PLD5: variants seen among roughly 807,000 people sequenced by gnomAD.
PLD5 encodes the protein inactive phospholipase D5.
In PLD5, 36 loss-of-function variants were observed where a neutral mutation model predicts 61.1. The observed-to-expected ratio is 0.59, with a 90% CI of 0.45 to 0.78. PLD5 has a LOEUF of 0.78. Ranked by LOEUF, PLD5 falls within the 30% of genes least tolerant of loss-of-function variation. The pLI, the probability that PLD5 is intolerant of heterozygous loss-of-function variation, is 0.00. For synonymous variants in PLD5, 243 were observed against 242.8 expected, an observed-to-expected ratio of 1.00 and a Z score of -0.01; for missense variants, 515 against 644.4, an observed-to-expected ratio of 0.80 and a Z score of 2.17.
At position 242,220,110 on chromosome 1, in the gene PLD5, C is replaced by G; in HGVS notation, c.613G>C (p.Glu205Gln). 1 of 1,614,086 alleles carries G rather than the reference C, an allele frequency of 6.2e-7. No homozygotes were observed. The highest frequency in any genetic ancestry group is 8.5e-7 in the Non-Finnish European group (1 of 1,180,002). ...VLEALKLKGA[E>Q]VTYMNMTAYN... ...GCGGTCATGTTCATGTACGTCACCT[C>G]GGCTCCTAGGAGTTCAAGGACAGTC... The change falls in exon 5 of 10, where the codon GAG becomes CAG. Residue 205 changes from glutamate (E) to glutamine (Q), a missense_variant. Glu to Gln is a conservative substitution (Grantham distance 29). Coordinates refer to ENST00000536534, the MANE Select transcript of PLD5 (RefSeq NM_001372062.1).
chr1:242,175,243 C>A (rs968387801), intron 5 of PLD5, among the ~76,000 whole-genome samples: 14 of 152,224 alleles, frequency 9.2e-5, no homozygotes, highest in African/African-American at 3.4e-4. Flanking sequence ...TATGAAAAAG[C>A]GTATCCACCA....
intron 1 of PLD5, among the ~76,000 whole-genome samples, chr1:242,395,065 A>G (rs1049151026): frequency 2.1e-5 from 3 of 143,836 alleles, no homozygotes; most frequent in East Asian, 4.0e-4. Flanking sequence ...ATATATGTAT[A>G]TATATGAATA....
chr1:242,228,164 A>G (rs901550020), intron 4 of PLD5, among the ~76,000 whole-genome samples: 1 of 152,254 alleles, frequency 6.6e-6, no homozygotes, highest in African/African-American at 2.4e-5. Context: ...TAAGGAGACA[A>G]CTAGTTGAAG....
upstream of PLD5, among the ~76,000 whole-genome samples, chr1:242,526,297 G>T (rs1264225757): frequency 6.6e-6 from 1 of 152,150 alleles, no homozygotes; most frequent in Non-Finnish European, 1.5e-5. Context: ...GAGGCGGGAG[G>T]ATCGCTGAAG....
At chr1:242,185,926 A>T (rs1667847734) in intron 5 of PLD5, among the ~76,000 whole-genome samples, 1 of 152,134 alleles carries the variant, frequency 6.6e-6, no homozygotes, top group Non-Finnish European at 1.5e-5. Flanking sequence ...TGGAGCCAGC[A>T]TCTGTCAGCA....
At chr1:242,307,750 G>A (rs1676464062) in intron 2 of PLD5, among the ~76,000 whole-genome samples, 1 of 151,988 alleles carries the variant, frequency 6.6e-6, no homozygotes, top group South Asian at 2.1e-4. Flanking sequence ...CTTCTCCTTT[G>A]TTCTCCTTTT....
intron 8 of PLD5, among the ~76,000 whole-genome samples, chr1:242,106,200 T>A (rs1244154117): frequency 6.6e-6 from 1 of 152,102 alleles, no homozygotes; most frequent in Non-Finnish European, 1.5e-5. Flanking sequence ...GGGAGGGAGG[T>A]AACATTAACC....
intron 5 of PLD5, among the ~76,000 whole-genome samples, chr1:242,137,624 G>A (rs1448591308): frequency 2.0e-5 from 3 of 152,238 alleles, no homozygotes; most frequent in East Asian, 1.9e-4. Flanking sequence ...AGTGTGGTTC[G>A]AACTTGCAAG....
At position 242,087,254 on chromosome 1, in the gene PLD5, C is replaced by G. The variant is rs1659518625; in HGVS notation, c.*2600G>C. The G allele has an allele frequency of 6.6e-6, 1 of 152,130 alleles. No individual in the cohort carries two copies. Among genetic ancestry groups the G allele is most frequent in the Non-Finnish European group, 1.5e-5 (1 of 68,052 alleles). 9.4% of individuals were successfully genotyped at this position (152,130 alleles called of 1,614,324 possible). Reference sequence around the variant, plus strand: ...GGGGCTTGCTGTGTCTGGTAGGCATCTGCTGCTGCTGCTTGGCAGAAAAGC... The same window carrying G: ...GGGGCTTGCTGTGTCTGGTAGGCATGTGCTGCTGCTGCTTGGCAGAAAAGC... On this transcript the variant is annotated 3_prime_UTR_variant, in exon 10 of 10. Coordinates refer to ENST00000536534, the MANE Select transcript of PLD5 (RefSeq NM_001372062.1).
rs1659403517 is a variant in PLD5, at chr1:242,085,443, A to C, written c.*4411T>G. ...GGGAATTCTCTCAAATGAGAAAGAC[A>C]GGCTGCGAACTGGGGTTGATGTCAG... On this transcript the variant is annotated 3_prime_UTR_variant, in exon 10 of 10. Coordinates refer to ENST00000536534, the MANE Select transcript of PLD5 (RefSeq NM_001372062.1). 1 of 152,242 alleles carries C rather than the reference A, an allele frequency of 6.6e-6. No individual in the cohort carries two copies. The highest frequency in any genetic ancestry group is 1.5e-5 in the Non-Finnish European group (1 of 68,040). 9.4% of individuals were successfully genotyped at this position (152,242 alleles called of 1,614,324 possible).
rs72765010 is a variant in PLD5, at chr1:242,417,745, G to A, written c.190-69503C>T. Among the ~76,000 whole-genome samples, 769 of 152,318 alleles carry A rather than the reference G, an allele frequency of 5.0e-3. 2 individuals carry two copies. Among genetic ancestry groups the A allele is most frequent in the Non-Finnish European group, 8.1e-3 (554 of 68,032 alleles). On this transcript the variant is annotated intron_variant, in intron 1 of 9. Coordinates refer to ENST00000536534, the MANE Select transcript of PLD5 (RefSeq NM_001372062.1). ...AGGTCCTGCTGTGGGAATGTTCTTG[G>A]CATTTTTGTGGAAGAAAGAGGCCAG...
chr1:242,122,805 A>G (rs1028866074), intron 6 of PLD5, among the ~76,000 whole-genome samples: 17 of 152,280 alleles, frequency 1.1e-4, no homozygotes, highest in Admixed American at 2.6e-4. Context: ...TTTTCTTTCT[A>G]TTGTTACACT....
At chr1:242,253,336 G>A (rs1480541688) in intron 4 of PLD5, among the ~76,000 whole-genome samples, 15 of 139,120 alleles carry the variant, frequency 1.1e-4, no homozygotes, top group Admixed American at 2.2e-4. Flanking sequence ...TTTTTAAGAC[G>A]GAGTCTCGCT....
At chr1:242,265,545 T>C (rs1388188657) in intron 3 of PLD5, 97 bp from the exon 4 acceptor site, 17 of 1,074,378 alleles carry the variant, frequency 1.6e-5, no homozygotes, top group Non-Finnish European at 2.2e-5. Context: ...ATCTATTCGT[T>C]CAAATGTTAA....
chr1:242,417,683 T>C (rs1664905672), intron 1 of PLD5, among the ~76,000 whole-genome samples: 1 of 152,224 alleles, frequency 6.6e-6, no homozygotes. Context: ...CCTCCAGGGC[T>C]AAGCCCCCGT....
chr1:242,424,901 ACGG>A (rs1303315876), intron 1 of PLD5, among the ~76,000 whole-genome samples: 1 of 152,072 alleles, frequency 6.6e-6, no homozygotes, highest in Non-Finnish European at 1.5e-5. Context: ...GGAGGTCAAG[ACGG>A]GTAGATCACC....
At chr1:242,261,488 G>A (rs1035703990) in intron 4 of PLD5, among the ~76,000 whole-genome samples, 11 of 152,034 alleles carry the variant, frequency 7.2e-5, no homozygotes, top group African/African-American at 2.2e-4. Context: ...CAATAAGGGA[G>A]TAATTAATAA....
At chr1:242,480,723 A>G (rs1467756227) in intron 1 of PLD5, among the ~76,000 whole-genome samples, 1 of 152,208 alleles carries the variant, frequency 6.6e-6, no homozygotes, top group African/African-American at 2.4e-5. Context: ...AGATATGTGA[A>G]TGATCAATAA....
chr1:242,407,020 C>T (rs1664267214), intron 1 of PLD5, among the ~76,000 whole-genome samples: 1 of 152,012 alleles, frequency 6.6e-6, no homozygotes, highest in South Asian at 2.1e-4. Context: ...TGGCTGTGTC[C>T]CCATCCAAAT....
Sources: allele counts gnomAD v4.1 joint callset (sites outside exome capture counted in the v4.1 genomes callset), GRCh38; gene constraint gnomAD v4.1.1; transcripts MANE v1.5; gene names NCBI Gene and HGNC (gene_info 2026-07-23, HGNC 2026-07-21).